The following ADGRV1 variants were observed in gnomAD, a reference collection of about 807,000 sequenced individuals.
The protein encoded by ADGRV1 is adhesion G protein-coupled receptor V1.
ADGRV1 carries 359 observed loss-of-function variants against 596.2 expected under a neutral mutation model. The ratio of observed to expected loss-of-function variants is 0.60; its 90% CI spans 0.55 to 0.66. The LOEUF is 0.66. Among genes scored for constraint, ADGRV1 ranks in the 30% least tolerant of loss-of-function variants. ADGRV1 has a pLI of 0.00. For synonymous variants in ADGRV1, 2,681 were observed against 2,679.2 expected (o/e 1.00, Z -0.02); for missense variants, 7,274 against 7,575.6 (o/e 0.96, Z 1.48).
rs549968326 is a variant in ADGRV1, at chr5:90,593,466, G to C, written c.23-21369G>C. ...GGGCCTGCCGTGGGGTGGGGGCTGG[G>C]GGAGGGATAGCACTGGGAGAAATAC... is the stretch of plus-strand genomic sequence containing the variant. On this transcript the variant is annotated intron_variant, in intron 1 of 89. Coordinates refer to ENST00000405460, the MANE Select transcript of ADGRV1 (RefSeq NM_032119.4). Among the ~76,000 whole-genome samples, 5 of 152,214 alleles carry C rather than the reference G, an allele frequency of 3.3e-5. No individual in the cohort carries two copies. In the East Asian group the frequency reaches 9.6e-4, roughly 29 times the overall value.
intron 85 of ADGRV1, among the ~76,000 whole-genome samples, chr5:91,016,507 G>C (rs1783186981): frequency 6.6e-6 from 1 of 152,066 alleles, no homozygotes; most frequent in Non-Finnish European, 1.5e-5. Flanking sequence ...TTGGAGGTAG[G>C]GGAAATGCTG....
At chr5:90,771,484 A>G (rs1230890476) in intron 59 of ADGRV1, among the ~76,000 whole-genome samples, 1 of 152,224 alleles carries the variant, frequency 6.6e-6, no homozygotes, top group Non-Finnish European at 1.5e-5. Context: ...ATTTACAGAC[A>G]TTTAGAAAGT....
chr5:90,602,896 A>G (rs1263006881), intron 1 of ADGRV1, among the ~76,000 whole-genome samples: 1 of 152,256 alleles, frequency 6.6e-6, no homozygotes, highest in Admixed American at 6.5e-5. Flanking sequence ...GACTGGGCAC[A>G]TGCAAAGTGG....
rs1423028841 is a variant in ADGRV1, at chr5:90,763,431, A to G, written c.12247A>G (p.Asn4083Asp). 1.2e-6 allele frequency: 2 copies of G among 1,613,652 alleles called. No individual in the cohort carries two copies. The highest frequency in any genetic ancestry group is 1.7e-6 in the Non-Finnish European group (2 of 1,179,720). Residue 4083 changes from asparagine to aspartate, a missense_variant, in exon 59 of 90, where the codon AAC (asparagine) becomes GAC (aspartate). Physicochemically the swap from Asn to Asp is conservative, Grantham distance 23. Around this residue, in one of 5 missense-constraint regions of ADGRV1, gnomAD observed 3,643 missense variants for 3,809.2 expected, o/e 0.96. Coordinates refer to ENST00000405460, the MANE Select transcript of ADGRV1 (RefSeq NM_032119.4). ...EWTIDEKAKH[N>D]LSPLNGTLHF... The stretch of plus-strand genomic sequence containing the variant: ...GACCATAGATGAGAAGGCTAAACAT[A>G]ACCTTAGTCCTTTGAATGGGACCCT...
chr5:91,126,708 C>G (rs1284580828), intron 87 of ADGRV1, among the ~76,000 whole-genome samples: 1 of 152,146 alleles, frequency 6.6e-6, no homozygotes, highest in African/African-American at 2.4e-5. Flanking sequence ...TAAGTTTTCT[C>G]AGTGGAAGGG....
chr5:90,576,396 G>A (rs1757219930), intron 1 of ADGRV1, among the ~76,000 whole-genome samples: 1 of 152,056 alleles, frequency 6.6e-6, no homozygotes, highest in Non-Finnish European at 1.5e-5. Flanking sequence ...AGTTTGCTGA[G>A]AATGATGGTT....
At chr5:90,746,530 C>T (rs542126095) in intron 52 of ADGRV1, among the ~76,000 whole-genome samples, 2 of 152,138 alleles carry the variant, frequency 1.3e-5, no homozygotes, top group African/African-American at 2.4e-5. Flanking sequence ...ACACCAAGAG[C>T]ATGTCCTCAG....
At chr5:90,821,448 G>C (rs967861389) in intron 75 of ADGRV1, among the ~76,000 whole-genome samples, 37 of 151,622 alleles carry the variant, frequency 2.4e-4, no homozygotes, top group African/African-American at 8.5e-4. Flanking sequence ...GCTTTGTTCC[G>C]TTGCTGGTGA....
intron 1 of ADGRV1, among the ~76,000 whole-genome samples, chr5:90,585,965 C>T (rs776571527): frequency 5.3e-5 from 8 of 152,150 alleles, no homozygotes; most frequent in Admixed American, 2.0e-4. Context: ...AGAAAAGTAT[C>T]GACAGGCAAA....
At chr5:91,149,246 G>C (rs1436702539) in intron 87 of ADGRV1, among the ~76,000 whole-genome samples, 1 of 152,196 alleles carries the variant, frequency 6.6e-6, no homozygotes, top group African/African-American at 2.4e-5. Context: ...ATATGGTTTG[G>C]CTCTGTGTTC....
Position 90,628,760 on chromosome 5 carries a change from G to A in ADGRV1, c.1437G>A (p.Glu479=), listed in dbSNP as rs1000224616. 1.1e-5 allele frequency: 17 copies of A among 1,613,848 alleles called. No individual in the cohort carries two copies. The highest frequency in any genetic ancestry group is 1.7e-5 in the Admixed American group (1 of 59,998). Residue 479 remains glutamate (E), a synonymous_variant, in exon 8 of 90, where the codon GAG becomes GAA. Transcript: ENST00000405460. The part of the protein sequence containing the change: ...LTVVDDDLPE[E]AEAYLLQILP... ...TGGTTGATGATGATCTTCCAGAAGAGGCAGAAGCTTATCTACTTCAAATTC... is the reference window on the plus strand; with the variant it reads ...TGGTTGATGATGATCTTCCAGAAGAAGCAGAAGCTTATCTACTTCAAATTC...
Position 90,628,712 on chromosome 5 carries a change from G to T in ADGRV1, c.1389G>T (p.Met463Ile), listed in dbSNP as rs1452026049. ...SGVLHFAQGQ[M>I]LATIPLTVVD... ...TTCTCCATTTTGCACAAGGGCAGAT[G>T]TTGGCAACAATTCCTCTTACTGTGG... Residue 463 changes from methionine (M) to isoleucine (I), a missense_variant, in exon 8 of 90, where the codon ATG (methionine) becomes ATT (isoleucine). Transcript: ENST00000405460. 6.2e-7 allele frequency: 1 copy of T among 1,614,020 alleles called. No homozygotes were observed. Among genetic ancestry groups the T allele is most frequent in the East Asian group, 2.2e-5 (1 of 44,888 alleles).
chr5:90,907,480 T>A (rs1772432858), intron 83 of ADGRV1, among the ~76,000 whole-genome samples: 1 of 152,110 alleles, frequency 6.6e-6, no homozygotes, highest in Non-Finnish European at 1.5e-5. Context: ...CAGGCCACAT[T>A]TTAGTCCTAC....
At chr5:90,565,537 T>C (rs1755531713) in intron 1 of ADGRV1, among the ~76,000 whole-genome samples, 1 of 152,222 alleles carries the variant, frequency 6.6e-6, no homozygotes, top group Non-Finnish European at 1.5e-5. Flanking sequence ...AAATGCCAAA[T>C]AATATTCCAG....
At chr5:91,054,092 T>TGA (rs1329568106) in intron 85 of ADGRV1, among the ~76,000 whole-genome samples, 22 of 130,452 alleles carry the variant, frequency 1.7e-4, no homozygotes, top group African/African-American at 6.4e-4. Flanking sequence ...TGTGTGTGTG[T>TGA]GTGTGTGTGT....
Position 90,684,062 on chromosome 5 carries a change from T to A in ADGRV1, c.6141T>A (p.Ala2047=), listed in dbSNP as rs748084237. The A allele has an allele frequency of 6.2e-7, 1 of 1,613,974 alleles. No individual in the cohort carries two copies. The highest frequency in any genetic ancestry group is 1.1e-5 in the South Asian group (1 of 91,084). The change falls in exon 28 of 90, where the codon GCT becomes GCA. Residue 2047 remains alanine, a synonymous_variant. Coordinates refer to ENST00000405460, the MANE Select transcript of ADGRV1 (RefSeq NM_032119.4). ...GRDYIPASGF[A]LFGANQSEAT... ...ACTATATACCAGCTTCTGGATTTGC[T>A]CTTTTTGGAGCTAATCAGAGTGAGG...
Position 90,841,291 on chromosome 5 carries a change from A to G in ADGRV1, c.17019+306A>G, listed in dbSNP as rs16869163. ...AGCTATAGGCAGTTGGCGACTCTCC[A>G]GAAACTGGCCAATTAACTTTGTAGT... On this transcript the variant is annotated intron_variant, in intron 78 of 89. Transcript: ENST00000405460. Among the ~76,000 whole-genome samples, 4,139 of 152,248 alleles carry G rather than the reference A, an allele frequency of 0.027. 274 individuals carry two copies. The East Asian group carries it at 0.28, about 10-fold the overall frequency.
chr5:90,559,038 G>C, intron 1 of ADGRV1, 121 bp downstream of exon 1: 1 of 801,582 alleles, frequency 1.2e-6, no homozygotes, highest in Non-Finnish European at 1.8e-6. Context: ...GCCACAGCCG[G>C]GCCCAGGGAG....
In ADGRV1 at chr5:90,797,226, C is replaced by T. The variant is rs560636173; in HGVS notation, c.14518-5513C>T. 2.8e-3 allele frequency among the ~76,000 whole-genome samples: 388 copies of T among 136,882 alleles called. 1 individual carries two copies. The highest frequency in any genetic ancestry group is 0.01 in the African/African-American group (374 of 35,800). 89.8% of individuals were successfully genotyped at this position (136,882 alleles called of 152,430 possible). On this transcript the variant is annotated intron_variant, in intron 70 of 89. Coordinates refer to ENST00000405460, the MANE Select transcript of ADGRV1 (RefSeq NM_032119.4). ...ATCTTCAGGAGACCCATCTCATGTG[C>T]AGAGACACACATAGGCTCAATATAA...
Sources: gnomAD v4.1 joint callset for allele counts (sites outside exome capture counted in the v4.1 genomes callset) on GRCh38, gnomAD v4.1.1 for gene constraint, gnomAD v4.1.1 regional missense constraint, MANE v1.5 for transcripts, NCBI Gene and HGNC (gene_info 2026-07-23, HGNC 2026-07-21) for gene names.